Variants in SPTAN1 observed in about 807,000 individuals in gnomAD.
SPTAN1 encodes the protein spectrin alpha, non-erythrocytic 1.
In SPTAN1, 61 loss-of-function variants were observed where a neutral mutation model predicts 331.3. The ratio of observed to expected loss-of-function variants is 0.18; its 90% CI spans 0.15 to 0.23. The LOEUF is 0.23. Among genes scored for constraint, SPTAN1 ranks in the 10% least tolerant of loss-of-function variants. The pLI is 1.00. For synonymous variants in SPTAN1, 1,153 were observed against 1,173.9 expected, an observed-to-expected ratio of 0.98 and a Z score of 0.36; for missense variants, 2,043 against 3,147.9, an observed-to-expected ratio of 0.65 and a Z score of 8.40.
chr9:128,614,456 G>A (rs980036050), intron 40 of SPTAN1, among the ~76,000 whole-genome samples: 1 of 152,012 alleles, frequency 6.6e-6, no homozygotes, highest in African/African-American at 2.4e-5. Flanking sequence ...GCAGGGCGTG[G>A]CATGTGCCTA....
At chr9:128,631,753 G>A in intron 52 of SPTAN1, 1 of 242,964 alleles carries the variant, frequency 4.1e-6, no homozygotes, top group Non-Finnish European at 8.1e-6. Context: ...CTTGAACCCG[G>A]GAGGTTGCAG....
rs536691004 is a variant in SPTAN1 at position 128,579,445 on chromosome 9, A to G, written c.1222-192A>G. Among the ~76,000 whole-genome samples, 7 of 152,378 alleles carry G rather than the reference A, an allele frequency of 4.6e-5. No individual in the cohort carries two copies. The South Asian group carries it at 1.2e-3, about 27-fold the overall frequency. Reference sequence around the variant, plus strand: ...TGAAAAGCCATTTGGAAAGGATTTCATCAGTGAGTGATACTCTCACATTTG... The same window carrying G: ...TGAAAAGCCATTTGGAAAGGATTTCGTCAGTGAGTGATACTCTCACATTTG... On this transcript the variant is annotated intron_variant, in intron 9 of 56. Transcript: ENST00000372739.
At chr9:128,609,808 A>C in intron 37 of SPTAN1, 143 bp downstream of exon 37, 3 of 566,008 alleles carry the variant, frequency 5.3e-6, no homozygotes, top group South Asian at 6.3e-5. Context: ...CATCCATTAC[A>C]CTCCATTCAA....
intron 20 of SPTAN1, 95 bp downstream of exon 20, chr9:128,587,793 T>G: frequency 1.1e-6 from 1 of 891,238 alleles, no homozygotes; most frequent in South Asian, 1.4e-5. Flanking sequence ...CATTTGACTC[T>G]GCTATTAACT....
intron 1 of SPTAN1, among the ~76,000 whole-genome samples, chr9:128,565,950 G>A (rs571201891): frequency 2.0e-5 from 3 of 152,304 alleles, no homozygotes; most frequent in South Asian, 4.1e-4. Context: ...GCATGGAGAG[G>A]GAAGGTGGCT....
In SPTAN1 at chr9:128,609,677, A is replaced by AT. The variant is rs1225251802; in HGVS notation, c.4773+19dup. The AT allele has an allele frequency of 1.3e-6, 2 of 1,505,910 alleles. No individual in the cohort carries two copies. The highest frequency in any genetic ancestry group is 1.8e-6 in the Non-Finnish European group (2 of 1,129,200). The allele number at this position is 1,505,910 out of a possible 1,614,324, so 93.3% of individuals were successfully genotyped here. On this transcript the variant is annotated intron_variant, in intron 37 of 56. Coordinates refer to ENST00000372739, the MANE Select transcript of SPTAN1 (RefSeq NM_001130438.3). ...TTTCCAAGCTGCTGGTAAGTTTTTA[A>AT]TTTTTTTAAGAGTTGTAGTTAAATG...
At chr9:128,604,615 C>T (rs1268681421) in intron 29 of SPTAN1, among the ~76,000 whole-genome samples, 198 bp downstream of exon 29, 1 of 152,202 alleles carries the variant, frequency 6.6e-6, no homozygotes, top group African/African-American at 2.4e-5. Context: ...TAGCCACAGA[C>T]AAATATACAA....
chr9:128,581,377 A>G (rs923479211), intron 11 of SPTAN1, among the ~76,000 whole-genome samples: 4 of 151,470 alleles, frequency 2.6e-5, no homozygotes, highest in Non-Finnish European at 5.9e-5. Context: ...GGAGGCTGAG[A>G]TGGGAGTATC....
intron 31 of SPTAN1, among the ~76,000 whole-genome samples, chr9:128,607,380 C>A (rs376756489): frequency 6.6e-6 from 1 of 152,208 alleles, no homozygotes. Flanking sequence ...GTGAAAAGAT[C>A]TTAATTATAA....
intron 1 of SPTAN1, among the ~76,000 whole-genome samples, chr9:128,565,026 C>T (rs146951548): frequency 3.3e-5 from 5 of 152,032 alleles, no homozygotes; most frequent in African/African-American, 4.8e-5. Context: ...AGCCATAGGT[C>T]GGGGGCAGTG....
Position 128,627,648 on chromosome 9 carries a change from C to G in SPTAN1, c.6689+150C>G. 1 of 873,600 alleles carries G rather than the reference C, an allele frequency of 1.1e-6. No homozygotes were observed. Among genetic ancestry groups the G allele is most frequent in the Non-Finnish European group, 1.9e-6 (1 of 538,094 alleles). 54.1% of individuals were successfully genotyped at this position (873,600 alleles called of 1,614,324 possible). A position where few individuals can be genotyped will look rare whatever the true frequency, so the allele number is the denominator to read the frequency against. ...TGGGCTGGCAACGCCTGGTCGGGCT[C>G]TGGAGCCGGGAGTGGGGGCATAGGT... is the stretch of plus-strand genomic sequence containing the variant. On this transcript the variant is annotated intron_variant, in intron 50 of 56. Transcript: ENST00000372739. This position sits in a 1 kb window ranked among gnomAD's most constrained non-coding sequence, Gnocchi z 4.9.
At chr9:128,628,251 A>T (rs894216883) in intron 51 of SPTAN1, 2 of 526,364 alleles carry the variant, frequency 3.8e-6, no homozygotes, top group Admixed American at 4.7e-5. Flanking sequence ...CAGAGGCCCT[A>T]AGAACCCCCG....
At chr9:128,603,624 C>T (rs1589290701) in intron 28 of SPTAN1, 34 bp downstream of exon 28, 2 of 1,612,968 alleles carry the variant, frequency 1.2e-6, no homozygotes, top group Non-Finnish European at 1.7e-6. Flanking sequence ...CTGATCTCCC[C>T]TGGTTTTCTC....
At chr9:128,624,835 A>G (rs1858490198) in intron 46 of SPTAN1, 1 of 574,848 alleles carries the variant, frequency 1.7e-6, no homozygotes. Context: ...GTGAGGGAAA[A>G]CTGGGTCCGG....
At chr9:128,599,157 C>A in intron 26 of SPTAN1, 171 bp downstream of exon 26, 1 of 716,774 alleles carries the variant, frequency 1.4e-6, no homozygotes, top group Non-Finnish European at 2.5e-6. Flanking sequence ...TTTTTTGAGA[C>A]GGAGTCTCAC....
At chr9:128,622,627 C>G (rs996538008) in intron 45 of SPTAN1, among the ~76,000 whole-genome samples, 1 of 152,096 alleles carries the variant, frequency 6.6e-6, no homozygotes, top group Non-Finnish European at 1.5e-5. Context: ...TCCTCAGCGA[C>G]AGCCTGTTTC....
chr9:128,563,634 C>T (rs1382689564), intron 1 of SPTAN1, among the ~76,000 whole-genome samples: 1 of 152,138 alleles, frequency 6.6e-6, no homozygotes, highest in Non-Finnish European at 1.5e-5. Flanking sequence ...AGCTCTCTCC[C>T]TACCCCTTAC....
At chr9:128,562,860 G>C (rs2132844018) in intron 1 of SPTAN1, among the ~76,000 whole-genome samples, 1 of 151,694 alleles carries the variant, frequency 6.6e-6, no homozygotes, top group Middle Eastern at 3.4e-3. Flanking sequence ...AGCTACTCAG[G>C]AGGCTGAGGC....
At chr9:128,558,720 A>G (rs1848943607) in intron 1 of SPTAN1, among the ~76,000 whole-genome samples, 2 of 152,176 alleles carry the variant, frequency 1.3e-5, no homozygotes, top group South Asian at 2.1e-4. Flanking sequence ...AGTCTGCTGC[A>G]TATGCCAGGG....
Sources: allele counts gnomAD v4.1 joint callset (sites outside exome capture counted in the v4.1 genomes callset), GRCh38; gene constraint gnomAD v4.1.1; non-coding constraint Gnocchi (gnomAD v3.1); transcripts MANE v1.5; gene names NCBI Gene and HGNC (gene_info 2026-07-23, HGNC 2026-07-21).